The following EXOC4 variants were observed in gnomAD, a reference collection of about 807,000 sequenced individuals.
The protein encoded by EXOC4 is exocyst complex component 4.
A neutral mutation model predicts 107.2 loss-of-function variants in EXOC4; 71 were observed. The ratio of observed to expected loss-of-function variants is 0.66; its 90% CI spans 0.55 to 0.81. The LOEUF is 0.81. Ranked by LOEUF, EXOC4 falls within the 30% of genes least tolerant of loss-of-function variation. EXOC4 has a pLI of 0.00. For missense variants in EXOC4, 1,108 were observed against 1,189.6 expected, an observed-to-expected ratio of 0.93 and a Z score of 1.01; for synonymous variants, 456 against 441.2, an observed-to-expected ratio of 1.03 and a Z score of -0.42.
chr7:133,863,362 G>GA (rs1487351320), intron 11 of EXOC4, among the ~76,000 whole-genome samples: 1 of 152,106 alleles, frequency 6.6e-6, no homozygotes, highest in Non-Finnish European at 1.5e-5. Flanking sequence ...TTATAACAAT[G>GA]AAAAATAATA....
chr7:133,862,160 T>C (rs1477798490), intron 11 of EXOC4, among the ~76,000 whole-genome samples: 1 of 144,912 alleles, frequency 6.9e-6, no homozygotes, highest in African/African-American at 2.5e-5. Context: ...TTTTCTTTCT[T>C]TTTTTTTTTT....
chr7:133,638,517 T>C (rs764179384), intron 10 of EXOC4, among the ~76,000 whole-genome samples: 8 of 152,202 alleles, frequency 5.3e-5, no homozygotes, highest in Non-Finnish European at 7.4e-5. Flanking sequence ...CTGTGTCGCT[T>C]CAGCATTGAC....
chr7:133,547,589 C>T (rs1444033947), intron 9 of EXOC4, among the ~76,000 whole-genome samples: 1 of 152,184 alleles, frequency 6.6e-6, no homozygotes, highest in Non-Finnish European at 1.5e-5. Flanking sequence ...AACGCTGTCA[C>T]TGCTTTATCA....
chr7:133,281,897 T>G (rs1374280834), intron 2 of EXOC4, among the ~76,000 whole-genome samples: 1 of 152,118 alleles, frequency 6.6e-6, no homozygotes, highest in Non-Finnish European at 1.5e-5. Context: ...GAGATGGGGT[T>G]TCACCATGTT....
intron 8 of EXOC4, among the ~76,000 whole-genome samples, chr7:133,478,690 T>C (rs930875120): frequency 2.0e-5 from 3 of 152,206 alleles, no homozygotes; most frequent in African/African-American, 7.2e-5. Context: ...TAATTACCCT[T>C]AGCTAAGGTT....
chr7:133,349,329 C>T (rs1348624996), intron 5 of EXOC4, among the ~76,000 whole-genome samples: 1 of 152,112 alleles, frequency 6.6e-6, no homozygotes, highest in Non-Finnish European at 1.5e-5. Flanking sequence ...CCCCTCTTCT[C>T]CCAGCTCTTG....
chr7:133,729,570 A>G (rs1409813409), intron 10 of EXOC4, among the ~76,000 whole-genome samples: 3 of 152,118 alleles, frequency 2.0e-5, no homozygotes, highest in Non-Finnish European at 1.5e-5. Context: ...AAAAGGCCTC[A>G]TTGTGCCTCC....
At chr7:133,809,270 T>A (rs1055480639) in intron 10 of EXOC4, among the ~76,000 whole-genome samples, 21 of 152,228 alleles carry the variant, frequency 1.4e-4, no homozygotes, top group African/African-American at 5.1e-4. Context: ...CCAATTAAAA[T>A]TTTAATGCAT....
intron 14 of EXOC4, among the ~76,000 whole-genome samples, chr7:133,977,570 G>A (rs1164855937): frequency 6.6e-6 from 1 of 152,216 alleles, no homozygotes; most frequent in Non-Finnish European, 1.5e-5. Flanking sequence ...CAGCTAGAGA[G>A]TGGAGTGCAG....
chr7:133,465,020 C>T (rs983662986), intron 7 of EXOC4, among the ~76,000 whole-genome samples: 5 of 151,474 alleles, frequency 3.3e-5, no homozygotes, highest in African/African-American at 1.2e-4. Context: ...GGCCTCACTG[C>T]TGTTACCCAG....
At chr7:133,855,594 A>G (rs1798357678) in intron 11 of EXOC4, among the ~76,000 whole-genome samples, 1 of 152,136 alleles carries the variant, frequency 6.6e-6, no homozygotes, top group Non-Finnish European at 1.5e-5. Context: ...GTGATGTAAT[A>G]GCACTGTTAA....
chr7:133,479,857 G>T (rs1408214332), intron 8 of EXOC4, among the ~76,000 whole-genome samples, 193 bp from the exon 9 acceptor site: 22 of 152,226 alleles, frequency 1.4e-4, no homozygotes, highest in Admixed American at 1.4e-3. Flanking sequence ...AGGAGCCTTA[G>T]CCAGGAATAT....
In EXOC4 at chr7:133,868,547, C is replaced by G. The variant is rs148416995; in HGVS notation, c.1735-27052C>G. ...GTGAGGGCCTGAGGGATCTAGAGAT[C>G]TGACTACTTCTTAAATAGACTTTCA... On this transcript the variant is annotated intron_variant, in intron 11 of 17. Transcript: ENST00000253861. 5.4e-4 allele frequency among the ~76,000 whole-genome samples: 82 copies of G among 152,286 alleles called. 2 individuals are homozygous for G. In the East Asian group the frequency reaches 0.015, roughly 27 times the overall value.
rs530741748 is a variant in EXOC4 at position 133,461,204 on chromosome 7, G to A, written c.1183-14124G>A. 5.6e-4 allele frequency among the ~76,000 whole-genome samples: 85 copies of A among 152,182 alleles called. 3 individuals are homozygous for A. In the South Asian group the frequency reaches 0.015, roughly 28 times the overall value. On this transcript the variant is annotated intron_variant, in intron 7 of 17. Coordinates refer to ENST00000253861, the MANE Select transcript of EXOC4 (RefSeq NM_021807.4). ...ATTCTGAGGAGGCTGCGATGAATTC[G>A]GTTGAGATGTTCTTTGTGGACTCCT...
At chr7:133,733,252 C>T (rs10273626) in intron 10 of EXOC4, 131,915 of 152,278 alleles carry the variant, frequency 0.87, 57,733 homozygotes, top group East Asian at 0.99. Context: ...CCCAACACTT[C>T]GGGAAGCCGA....
intron 4 of EXOC4, among the ~76,000 whole-genome samples, chr7:133,310,756 C>G (rs1430777269): frequency 6.6e-6 from 1 of 152,176 alleles, no homozygotes; most frequent in Non-Finnish European, 1.5e-5. Context: ...TGCATCTTTC[C>G]TTTATCTCGT....
At chr7:133,699,703 A>C (rs1794616484) in intron 10 of EXOC4, among the ~76,000 whole-genome samples, 1 of 152,176 alleles carries the variant, frequency 6.6e-6, no homozygotes, top group Admixed American at 6.5e-5. Flanking sequence ...GGGTTTGAAT[A>C]AGTGACTCTC....
intron 12 of EXOC4, 110 bp downstream of exon 12, chr7:133,895,845 G>C (rs1035393742): frequency 2.6e-6 from 3 of 1,175,206 alleles, no homozygotes; most frequent in Non-Finnish European, 3.6e-6. Flanking sequence ...CTCTGAGTTT[G>C]TCAAGAGATG....
intron 7 of EXOC4, among the ~76,000 whole-genome samples, chr7:133,381,461 T>G (rs538436278): frequency 9.2e-5 from 14 of 152,060 alleles, no homozygotes; most frequent in Non-Finnish European, 1.3e-4. Context: ...GTAGAGGAGA[T>G]GGGAAATGGC....
Sources: allele counts gnomAD v4.1 joint callset (sites outside exome capture counted in the v4.1 genomes callset), GRCh38; gene constraint gnomAD v4.1.1; transcripts MANE v1.5; gene names NCBI Gene and HGNC (gene_info 2026-07-23, HGNC 2026-07-21).